The following RHOU variants were observed in gnomAD, a reference collection of about 807,000 sequenced individuals.
The protein encoded by RHOU is ras homolog family member U.
RHOU carries 8 observed loss-of-function variants against 12.6 expected under a neutral mutation model. The ratio of observed to expected loss-of-function variants is 0.64; its 90% confidence interval spans 0.37 to 1.15. RHOU has a LOEUF of 1.15. Ranked by LOEUF, RHOU falls within the 50% of genes most tolerant of loss-of-function variation. The pLI, the probability that RHOU is intolerant of heterozygous loss-of-function variation, is 0.01. For missense variants in RHOU, 258 were observed against 347.0 expected, an observed-to-expected ratio of 0.74 and a Z score of 2.04; for synonymous variants, 161 against 147.4, an observed-to-expected ratio of 1.09 and a Z score of -0.67.
the RHOU span, among the ~76,000 whole-genome samples, chr1:228,678,949 G>A: frequency 3.9e-5 from 6 of 152,118 alleles, no homozygotes; most frequent in Non-Finnish European, 8.8e-5. Context: ...GCTACAGGGC[G>A]TGGTCCTGGC....
chr1:228,667,602 C>A, the RHOU span, among the ~76,000 whole-genome samples: 1 of 152,166 alleles, frequency 6.6e-6, no homozygotes, highest in East Asian at 1.9e-4. Flanking sequence ...CCTGTATCTC[C>A]ATTTATCCCT....
chr1:228,721,111 G>A, the RHOU span, among the ~76,000 whole-genome samples: 1 of 152,174 alleles, frequency 6.6e-6, no homozygotes, highest in Admixed American at 6.5e-5. Context: ...AGACCAGCCT[G>A]GCCAACATGG....
At chr1:228,695,055 C>T in the RHOU span, among the ~76,000 whole-genome samples, 10 of 152,102 alleles carry the variant, frequency 6.6e-5, no homozygotes, top group Non-Finnish European at 1.2e-4. Context: ...CTGCAACCTC[C>T]GCCTCCCAGG....
chr1:228,707,118 A>ATG, the RHOU span, among the ~76,000 whole-genome samples: 2 of 88,364 alleles, frequency 2.3e-5, no homozygotes, highest in Non-Finnish European at 3.7e-5. Flanking sequence ...ATATATATAT[A>ATG]TATATATACA....
At chr1:228,685,578 C>A in the RHOU span, among the ~76,000 whole-genome samples, 4 of 152,032 alleles carry the variant, frequency 2.6e-5, no homozygotes, top group Non-Finnish European at 5.9e-5. Flanking sequence ...GCATTTGGAG[C>A]CAGAGAATGA....
At chr1:228,665,098 C>T in the RHOU span, among the ~76,000 whole-genome samples, 1 of 152,306 alleles carries the variant, frequency 6.6e-6, no homozygotes, top group South Asian at 2.1e-4. Context: ...CTCAGAATGG[C>T]TAAGTGACTT....
At chr1:228,664,626 T>A in the RHOU span, among the ~76,000 whole-genome samples, 3 of 152,062 alleles carry the variant, frequency 2.0e-5, no homozygotes. Flanking sequence ...GGAACCCGTG[T>A]TCATTGCCAA....
the RHOU span, among the ~76,000 whole-genome samples, chr1:228,691,470 T>C: frequency 9.9e-4 from 141 of 142,736 alleles, 1 homozygote; most frequent in East Asian, 0.03. Context: ...ATTGTTTCCA[T>C]AGTTTTGTCT....
At chr1:228,733,606 G>A (rs937548202), upstream of RHOU, among the ~76,000 whole-genome samples, 3 of 152,178 alleles carry the variant, frequency 2.0e-5, no homozygotes, top group Non-Finnish European at 2.9e-5. Flanking sequence ...CGCACCAGCC[G>A]ATATTAGGTG....
At position 228,743,597 on chromosome 1, in the gene RHOU, A is replaced by G. The variant is rs1311112636; in HGVS notation, c.634A>G (p.Lys212Glu). 2 of 1,614,078 alleles carry G rather than the reference A, an allele frequency of 1.2e-6. No homozygotes were observed. The highest frequency in any genetic ancestry group is 1.7e-6 in the Non-Finnish European group (2 of 1,180,050). Residue 212 changes from lysine (K) to glutamate (E), a missense_variant, in exon 3 of 3, where the codon AAA becomes GAA. Coordinates refer to ENST00000366691, the MANE Select transcript of RHOU (RefSeq NM_021205.6). This position sits in a 1 kb window ranked among gnomAD's most constrained non-coding sequence, Gnocchi z 5.1. Reference sequence around the variant, plus strand: ...TTCAGCCTTGACTCAAAAAAACCTCAAAGAGGTCTTTGATGCAGCCATCGT... The same window carrying G: ...TTCAGCCTTGACTCAAAAAAACCTCGAAGAGGTCTTTGATGCAGCCATCGT... ...ECSALTQKNL[K>E]EVFDAAIVAG...
At chr1:228,700,522 G>A in the RHOU span, among the ~76,000 whole-genome samples, 4 of 152,218 alleles carry the variant, frequency 2.6e-5, no homozygotes, top group South Asian at 2.1e-4. Flanking sequence ...TACTTTAGGA[G>A]TTTATTTGCT....
the RHOU span, among the ~76,000 whole-genome samples, chr1:228,681,474 G>A: frequency 9.9e-5 from 15 of 152,082 alleles, no homozygotes; most frequent in Admixed American, 2.0e-4. Context: ...TGAGACTGAA[G>A]GGACAGGCGG....
the RHOU span, among the ~76,000 whole-genome samples, chr1:228,730,243 C>T: frequency 6.6e-6 from 1 of 152,178 alleles, no homozygotes; most frequent in East Asian, 1.9e-4. Context: ...CCAGCTGAAA[C>T]CCTTGTGCAG....
chr1:228,691,490 T>G, the RHOU span, among the ~76,000 whole-genome samples: 5 of 140,592 alleles, frequency 3.6e-5, no homozygotes, highest in East Asian at 1.2e-3. Flanking sequence ...TTTTTCAGAA[T>G]AGCATATACT....
chr1:228,710,324 T>G, the RHOU span, among the ~76,000 whole-genome samples: 1 of 152,098 alleles, frequency 6.6e-6, no homozygotes, highest in African/African-American at 2.4e-5. Context: ...GCCAGCATCA[T>G]CCTGATACCA....
rs1446900167 is a variant in RHOU, at chr1:228,744,254, G to A, written c.*514G>A. On this transcript the variant is annotated 3_prime_UTR_variant, in exon 3 of 3. Transcript: ENST00000366691. ...AGCAAAAATCTGAGAAAAAAAGTGA[G>A]AGACCTCTGCCTACAAAACCTCAAA... The A allele has an allele frequency of 6.6e-6, 1 of 152,506 alleles. No homozygotes were observed. The highest frequency in any genetic ancestry group is 1.5e-5 in the Non-Finnish European group (1 of 68,326). 9.4% of individuals were successfully genotyped at this position (152,506 alleles called of 1,614,324 possible). A position where few individuals can be genotyped will look rare whatever the true frequency, so the allele number is the denominator to read the frequency against.
At chr1:228,694,250 A>C in the RHOU span, among the ~76,000 whole-genome samples, 2 of 152,358 alleles carry the variant, frequency 1.3e-5, no homozygotes, top group African/African-American at 2.4e-5. Context: ...TAATATGCAG[A>C]TACAGAGATC....
At chr1:228,661,989 A>G in the RHOU span, among the ~76,000 whole-genome samples, 1 of 152,348 alleles carries the variant, frequency 6.6e-6, no homozygotes, top group South Asian at 2.1e-4. Context: ...ACAAGAAAAA[A>G]ACAAACAAAC....
At chr1:228,706,820 T>C in the RHOU span, among the ~76,000 whole-genome samples, 11 of 152,226 alleles carry the variant, frequency 7.2e-5, no homozygotes, top group Admixed American at 6.5e-4. Context: ...TGAATTATTT[T>C]ATTGTTTGAG....
Sources: gnomAD v4.1 joint callset for allele counts (sites outside exome capture counted in the v4.1 genomes callset) on GRCh38, gnomAD v4.1.1 for gene constraint, Gnocchi (gnomAD v3.1) non-coding constraint, MANE v1.5 for transcripts, NCBI Gene and HGNC (gene_info 2026-07-23, HGNC 2026-07-21) for gene names.